NSD2: variants seen among roughly 807,000 people sequenced by gnomAD.
NSD2 encodes the protein histone-lysine N-methyltransferase NSD2.
A neutral mutation model predicts 139.0 loss-of-function variants in NSD2; 12 were observed. The ratio of observed to expected loss-of-function variants is 0.09; its 90% CI spans 0.06 to 0.14. The LOEUF is 0.14. NSD2 is among the 10% of genes least tolerant of loss of function. The pLI is 1.00. For missense variants in NSD2, 1,155 were observed against 1,745.0 expected, an observed-to-expected ratio of 0.66 and a Z score of 6.02; for synonymous variants, 669 against 648.7, an observed-to-expected ratio of 1.03 and a Z score of -0.48.
At chr4:1,952,263 C>G (rs764196569) in intron 11 of NSD2, 32 bp downstream of exon 11, 86 of 1,610,662 alleles carry the variant, frequency 5.3e-5, no homozygotes, top group Middle Eastern at 2.0e-4. Flanking sequence ...GCTCTGCAGC[C>G]TGGCCGGCCA....
rs189509667 is a variant in NSD2, at chr4:1,981,126, C to T, written c.*2217C>T. On this transcript the variant is annotated 3_prime_UTR_variant, in exon 22 of 22. Transcript: ENST00000508803. ...GTAGTGAAATCTTGTGATTTTTAAT[C>T]GCTTTGATAATACTTCCAAATTTTA... The T allele has an allele frequency of 2.3e-4, 53 of 233,224 alleles. No homozygotes were observed. Among genetic ancestry groups the T allele is most frequent in the African/African-American group, 1.1e-3 (50 of 45,448 alleles). 14.4% of individuals were successfully genotyped at this position (233,224 alleles called of 1,614,324 possible). A position where few individuals can be genotyped will look rare whatever the true frequency, so the allele number is the denominator to read the frequency against.
rs912433968 is a variant in NSD2 at position 1,956,422 on chromosome 4, T to C, written c.2881+234T>C. Among the ~76,000 whole-genome samples the C allele has an allele frequency of 6.6e-6, 1 of 152,278 alleles. No individual in the cohort carries two copies. The highest frequency in any genetic ancestry group is 1.5e-5 in the Non-Finnish European group (1 of 68,056). ...TAATTTCATTAAAATTCTGTAAACC[T>C]ATTATTCAGAAATTATTTTTAATAC... On this transcript the variant is annotated intron_variant, in intron 15 of 21. Coordinates refer to ENST00000508803, the MANE Select transcript of NSD2 (RefSeq NM_001042424.3). The surrounding 1 kb of genome is among the most constrained non-coding windows in gnomAD (Gnocchi z 5.3).
rs370135802 is a variant in NSD2, at chr4:1,872,001, C to T, written c.-30+459C>T. Among the ~76,000 whole-genome samples, 537 of 150,264 alleles carry T rather than the reference C, an allele frequency of 3.6e-3. 10 individuals carry two copies. In the East Asian group the frequency reaches 0.038, roughly 11 times the overall value. On this transcript the variant is annotated intron_variant, in intron 1 of 21. Coordinates refer to ENST00000508803, the MANE Select transcript of NSD2 (RefSeq NM_001042424.3). ...GGTCGGGCCGGCCTTTGTGCGGCGC[C>T]CCCGGTCCGGGGCGGCCGCGGTGGG... is the stretch of plus-strand genomic sequence containing the variant.
At chr4:1,917,387 T>C (rs1719535175) in intron 4 of NSD2, among the ~76,000 whole-genome samples, 1 of 152,254 alleles carries the variant, frequency 6.6e-6, no homozygotes, top group Non-Finnish European at 1.5e-5. Flanking sequence ...AAAGGTATTA[T>C]GTTGGGCTGA....
At chr4:1,892,921 A>G (rs757103517) in intron 1 of NSD2, 1 of 151,634 alleles carries the variant, frequency 6.6e-6, no homozygotes, top group African/African-American at 2.4e-5. Flanking sequence ...CTGTATTTTT[A>G]TTTTTCACCT....
intron 9 of NSD2, chr4:1,943,487 G>A: frequency 2.9e-6 from 3 of 1,046,800 alleles, no homozygotes; most frequent in Admixed American, 5.5e-5. Context: ...GGCATGAAAA[G>A]TGGTCCTCTT....
In NSD2 at chr4:1,935,204, C is replaced by T; in HGVS notation, c.1616C>T (p.Ala539Val). 4 of 1,613,574 alleles carry T rather than the reference C, an allele frequency of 2.5e-6. No individual in the cohort carries two copies. The highest frequency in any genetic ancestry group is 3.4e-6 in the Non-Finnish European group (4 of 1,179,712). The change falls in exon 7 of 22, where the codon GCT becomes GTT. Residue 539 changes from alanine (A) to valine (V), a missense_variant. By Grantham distance (64) the Ala-to-Val change is moderately conservative. Transcript: ENST00000508803. ...AGGATACAGGACCCTACAGAAGATG[C>T]TGAAGCTGAGGACACACCCAGGAAA... ...TKRIQDPTED[A>V]EAEDTPRKRL...
Position 1,972,343 on chromosome 4 carries a change from C to T in NSD2, c.3373-2520C>T, listed in dbSNP as rs905393470. 1.3e-5 allele frequency among the ~76,000 whole-genome samples: 2 copies of T among 152,180 alleles called. No homozygotes were observed. Among genetic ancestry groups the T allele is most frequent in the African/African-American group, 4.8e-5 (2 of 41,438 alleles). On this transcript the variant is annotated intron_variant, in intron 18 of 21. Coordinates refer to ENST00000508803, the MANE Select transcript of NSD2 (RefSeq NM_001042424.3). The surrounding 1 kb of genome is among the most constrained non-coding windows in gnomAD (Gnocchi z 4.0). ...AGGCTGTGAGGGTGGAAATCTTCCC[C>T]AGTGCAAGCTCGTTGTAGGTGCGAT... is the stretch of plus-strand genomic sequence containing the variant.
intron 18 of NSD2, among the ~76,000 whole-genome samples, chr4:1,968,142 G>T (rs899348217): frequency 6.6e-6 from 1 of 152,228 alleles, no homozygotes; most frequent in Admixed American, 6.5e-5. Context: ...CAAAGATGGA[G>T]AGAGCTGACC....
At chr4:1,944,275 G>T in intron 9 of NSD2, 1 of 1,066,202 alleles carries the variant, frequency 9.4e-7, no homozygotes, top group South Asian at 4.5e-5. Context: ...GAAGGAGGTG[G>T]GTGGAAACGG....
At chr4:1,886,747 G>A (rs1178299819) in intron 1 of NSD2, among the ~76,000 whole-genome samples, 3 of 151,908 alleles carry the variant, frequency 2.0e-5, no homozygotes, top group Admixed American at 6.6e-5. Flanking sequence ...CTGAGGCAGG[G>A]TACTCGCTTG....
intron 9 of NSD2, chr4:1,941,596 C>T (rs1198147993): frequency 1.9e-6 from 2 of 1,034,140 alleles, no homozygotes; most frequent in Admixed American, 5.6e-5. Context: ...TTGTTAAATA[C>T]ATTTATATAA....
rs1717072109 is a variant in NSD2, at chr4:1,900,896, A to T, written c.242A>T (p.Asp81Val). The change falls in exon 2 of 22, where the codon GAT becomes GTT. Residue 81 changes from aspartate (D) to valine (V), a missense_variant. By Grantham distance (152) the Asp-to-Val change is radical (BLOSUM62 -3). Coordinates refer to ENST00000508803, the MANE Select transcript of NSD2 (RefSeq NM_001042424.3). ...TTTATTCCAGCCGACAAGCTGAAAGATCTTACTTCCCGGGTGTTTAATGGA... is the reference window on the plus strand; with the variant it reads ...TTTATTCCAGCCGACAAGCTGAAAGTTCTTACTTCCCGGGTGTTTAATGGA... ...LPFIPADKLK[D>V]LTSRVFNGEP... 1 of 1,613,332 alleles carries T rather than the reference A, an allele frequency of 6.2e-7. No homozygotes were observed.
intron 1 of NSD2, among the ~76,000 whole-genome samples, chr4:1,873,797 A>G (rs976525303): frequency 2.8e-5 from 2 of 71,398 alleles, no homozygotes; most frequent in South Asian, 1.3e-3. Flanking sequence ...AAGAACTTAA[A>G]AGAAGTGCTA....
intron 1 of NSD2, among the ~76,000 whole-genome samples, chr4:1,875,952 A>C (rs2108663125): frequency 6.6e-6 from 1 of 150,936 alleles, no homozygotes; most frequent in South Asian, 2.1e-4. Flanking sequence ...GCGGTGGCTC[A>C]AGCTTGTAAT....
chr4:1,957,459 T>C (rs1345593353), intron 15 of NSD2, among the ~76,000 whole-genome samples: 1 of 151,254 alleles, frequency 6.6e-6, no homozygotes, highest in Non-Finnish European at 1.5e-5. Context: ...AATTTTTTTT[T>C]TTTTTTTTGT....
chr4:1,900,709 A>T lies in NSD2; in HGVS notation c.55A>T (p.Ile19Leu). 2 of 1,613,648 alleles carry T rather than the reference A, an allele frequency of 1.2e-6. No individual in the cohort carries two copies. Among genetic ancestry groups the T allele is most frequent in the Non-Finnish European group, 1.7e-6 (2 of 1,179,784 alleles). The change falls in exon 2 of 22, where the codon ATA (isoleucine) becomes TTA (leucine). Residue 19 changes from isoleucine to leucine, a missense_variant. Physicochemically the swap from Ile to Leu is conservative, Grantham distance 5. Coordinates refer to ENST00000508803, the MANE Select transcript of NSD2 (RefSeq NM_001042424.3). ...PLSVQSVVKC[I>L]KMKQAPEILG... ...TTCTGTTCAGAGTGTTGTAAAGTGC[A>T]TAAAGATGAAGCAGGCACCAGAAAT...
chr4:1,949,855 C>T (rs995694946), intron 9 of NSD2, among the ~76,000 whole-genome samples: 1 of 152,070 alleles, frequency 6.6e-6, no homozygotes, highest in Non-Finnish European at 1.5e-5. Flanking sequence ...TTCCACCGCT[C>T]CCTGCAATGT....
chr4:1,935,080 C>A (rs772950890), intron 6 of NSD2, 64 bp from the exon 7 acceptor site: 1 of 1,353,630 alleles, frequency 7.4e-7, no homozygotes, highest in Non-Finnish European at 1.0e-6. Context: ...TAGGTTCTCA[C>A]AGTGCTTCAA....
Sources: gnomAD v4.1 joint callset for allele counts (sites outside exome capture counted in the v4.1 genomes callset) on GRCh38, gnomAD v4.1.1 for gene constraint, Gnocchi (gnomAD v3.1) non-coding constraint, MANE v1.5 for transcripts, NCBI Gene and HGNC (gene_info 2026-07-23, HGNC 2026-07-21) for gene names.